Variants in CUBN observed in about 807,000 individuals in gnomAD.
The protein encoded by CUBN is 460 kDa receptor.
A neutral mutation model predicts 405.3 loss-of-function variants in CUBN; 282 were observed. The observed-to-expected ratio is 0.70, with a 90% CI of 0.63 to 0.77. The LOEUF is 0.77. CUBN is among the 30% of genes least tolerant of loss of function. The pLI is 0.00. For missense variants in CUBN, 4,514 were observed against 4,475.2 expected, an observed-to-expected ratio of 1.01 and a Z score of -0.25; for synonymous variants, 1,684 against 1,617.0, an observed-to-expected ratio of 1.04 and a Z score of -0.99.
intron 33 of CUBN, 90 bp from the exon 34 acceptor site, chr10:16,950,201 A>G (rs553369807): frequency 7.3e-6 from 6 of 826,660 alleles, no homozygotes; most frequent in African/African-American, 6.7e-5. Context: ...GGGGATGGTT[A>G]ATGACTATAA....
At chr10:16,916,073 A>G in intron 45 of CUBN, 43 bp from the exon 46 acceptor site, 1 of 1,582,974 alleles carries the variant, frequency 6.3e-7, no homozygotes, top group Non-Finnish European at 8.6e-7. Context: ...AAAGCAAGCA[A>G]GCAAGAAAGA....
At chr10:17,001,392 T>C (rs1833877626) in intron 28 of CUBN, among the ~76,000 whole-genome samples, 1 of 152,192 alleles carries the variant, frequency 6.6e-6, no homozygotes, top group Admixed American at 6.5e-5. Context: ...CGCTGGTTGG[T>C]CCACTTTACA....
At chr10:17,114,588 A>C (rs1031889078) in intron 7 of CUBN, among the ~76,000 whole-genome samples, 4 of 152,280 alleles carry the variant, frequency 2.6e-5, no homozygotes, top group Middle Eastern at 3.4e-3. Flanking sequence ...CCACCTCCTC[A>C]ACCCTTCCAT....
At chr10:17,015,639 C>A (rs1398769673) in intron 28 of CUBN, among the ~76,000 whole-genome samples, 1 of 152,192 alleles carries the variant, frequency 6.6e-6, no homozygotes, top group African/African-American at 2.4e-5. Context: ...AGGGTCATAA[C>A]ATGAGCTGGC....
intron 22 of CUBN, among the ~76,000 whole-genome samples, chr10:17,055,090 GGTGGAGTTCT>G (rs1267531661): frequency 6.6e-6 from 1 of 151,954 alleles, no homozygotes; most frequent in East Asian, 1.9e-4. Context: ...ATCAGAACCA[GGTGGAGTTCT>G]GATGTATTAC....
intron 31 of CUBN, among the ~76,000 whole-genome samples, chr10:16,972,006 G>A (rs1295762754): frequency 6.6e-6 from 1 of 152,074 alleles, no homozygotes; most frequent in Non-Finnish European, 1.5e-5. Context: ...GAATCCAGGG[G>A]CTTTGTTGCA....
At chr10:16,918,894 A>C (rs1341194283) in intron 44 of CUBN, 94 bp from the exon 45 acceptor site, 1 of 1,139,912 alleles carries the variant, frequency 8.8e-7, no homozygotes, top group Non-Finnish European at 1.3e-6. Flanking sequence ...ATATTATTAA[A>C]TCATCATTTC....
At chr10:16,989,677 CTG>C (rs923553692) in intron 29 of CUBN, among the ~76,000 whole-genome samples, 2 of 151,962 alleles carry the variant, frequency 1.3e-5, no homozygotes, top group Non-Finnish European at 2.9e-5. Context: ...TTCTCAAAGA[CTG>C]TTTTAATGAT....
intron 27 of CUBN, among the ~76,000 whole-genome samples, chr10:17,038,414 A>G (rs999466216): frequency 6.6e-6 from 1 of 152,162 alleles, no homozygotes; most frequent in Non-Finnish European, 1.5e-5. Context: ...TGTATATTTT[A>G]TTTCCAGATC....
chr10:17,091,284 A>T (rs2131286103), intron 14 of CUBN, among the ~76,000 whole-genome samples: 1 of 152,368 alleles, frequency 6.6e-6, no homozygotes, highest in Admixed American at 6.5e-5. Context: ...TGATTAAAGC[A>T]CATCAAATGT....
chr10:16,922,838 T>A (rs143145758), intron 43 of CUBN, among the ~76,000 whole-genome samples: 4 of 151,028 alleles, frequency 2.6e-5, no homozygotes, highest in African/African-American at 9.7e-5. Flanking sequence ...TTATACCATA[T>A]ACCATGTTCT....
chr10:17,129,379 T>A (rs2131331663), intron 1 of CUBN, 129 bp from the exon 2 acceptor site: 1 of 1,120,316 alleles, frequency 8.9e-7, no homozygotes, highest in Non-Finnish European at 1.3e-6. Context: ...TCAACCCAAC[T>A]GCCCCTGCTC....
At chr10:16,948,690 T>A in intron 34 of CUBN, 84 bp from the exon 35 acceptor site, 1 of 1,556,348 alleles carries the variant, frequency 6.4e-7, no homozygotes, top group Non-Finnish European at 8.8e-7. Context: ...TTTACTCGAA[T>A]TACAAGAGAC....
At chr10:16,856,132 T>C (rs1212330224) in intron 59 of CUBN, among the ~76,000 whole-genome samples, 1 of 152,170 alleles carries the variant, frequency 6.6e-6, no homozygotes, top group East Asian at 1.9e-4. Flanking sequence ...ATATTTACCA[T>C]ACTGATATTT....
intron 39 of CUBN, among the ~76,000 whole-genome samples, chr10:16,937,384 T>C (rs1842539847): frequency 6.6e-6 from 1 of 152,128 alleles, no homozygotes; most frequent in Non-Finnish European, 1.5e-5. Context: ...ATATAAAAAA[T>C]ATAATGGGAC....
At chr10:16,888,971 T>G (rs995964409) in intron 55 of CUBN, among the ~76,000 whole-genome samples, 1 of 152,236 alleles carries the variant, frequency 6.6e-6, no homozygotes, top group African/African-American at 2.4e-5. Flanking sequence ...TGTCTTATTA[T>G]TAGAAAACTG....
chr10:16,948,428 T>C, intron 35 of CUBN, 50 bp downstream of exon 35: 1 of 1,611,544 alleles, frequency 6.2e-7, no homozygotes, highest in Non-Finnish European at 8.5e-7. Context: ...AACCAAGAAT[T>C]TCTACCACAT....
intron 31 of CUBN, among the ~76,000 whole-genome samples, chr10:16,967,909 G>C (rs1439694563): frequency 7.6e-6 from 1 of 130,816 alleles, no homozygotes; most frequent in African/African-American, 2.9e-5. Context: ...GAGAGAGAGG[G>C]GGAAAGAGGA....
intron 59 of CUBN, among the ~76,000 whole-genome samples, chr10:16,863,272 G>C (rs1188942104): frequency 6.6e-6 from 1 of 152,214 alleles, no homozygotes; most frequent in Non-Finnish European, 1.5e-5. Flanking sequence ...GGCTTAAAAA[G>C]AGCGGAAATA....
Sources: gnomAD v4.1 joint callset for allele counts (sites outside exome capture counted in the v4.1 genomes callset) on GRCh38, gnomAD v4.1.1 for gene constraint, MANE v1.5 for transcripts, NCBI Gene and HGNC (gene_info 2026-07-23, HGNC 2026-07-21) for gene names.